Variants in NCOA1 observed in about 807,000 individuals in gnomAD.
The protein encoded by NCOA1 is Hin-2 protein.
A neutral mutation model predicts 150.9 loss-of-function variants in NCOA1; 35 were observed. The ratio of observed to expected loss-of-function variants is 0.23; its 90% CI spans 0.18 to 0.31. The LOEUF is 0.31. Among genes scored for constraint, NCOA1 ranks in the 10% least tolerant of loss-of-function variants. NCOA1 has a pLI of 1.00. For missense variants in NCOA1, 1,491 were observed against 1,749.3 expected (o/e 0.85, Z 2.63); for synonymous variants, 590 against 630.0 (o/e 0.94, Z 0.95).
intron 1 of NCOA1, among the ~76,000 whole-genome samples, chr2:24,532,515 G>T (rs1188571967): frequency 2.0e-5 from 3 of 152,160 alleles, no homozygotes; most frequent in Non-Finnish European, 4.4e-5. Context: ...TTTTAGACAT[G>T]AAGTCCTTGC....
intron 3 of NCOA1, among the ~76,000 whole-genome samples, chr2:24,625,843 G>GT (rs1360938370): frequency 4.6e-5 from 7 of 151,254 alleles, no homozygotes; most frequent in Non-Finnish European, 7.4e-5. Context: ...ACTGTTACTG[G>GT]TTTTTAATTT....
intron 1 of NCOA1, among the ~76,000 whole-genome samples, chr2:24,523,899 C>G (rs1452800141): frequency 1.8e-5 from 2 of 113,996 alleles, no homozygotes; most frequent in Non-Finnish European, 3.3e-5. Flanking sequence ...GCACTCCAGC[C>G]TGGCAACAGA....
At chr2:24,641,959 C>T (rs937955116) in intron 3 of NCOA1, among the ~76,000 whole-genome samples, 3 of 151,440 alleles carry the variant, frequency 2.0e-5, no homozygotes, top group Admixed American at 1.3e-4. Flanking sequence ...CAGTGTCTTT[C>T]GCCTCTCATC....
intron 1 of NCOA1, among the ~76,000 whole-genome samples, chr2:24,552,557 G>A (rs1428512191): frequency 6.6e-6 from 1 of 150,958 alleles, no homozygotes; most frequent in Non-Finnish European, 1.5e-5. Flanking sequence ...AGTAGAGACG[G>A]GGTTTCACTA....
chr2:24,652,013 A>G (rs955952429), intron 4 of NCOA1, among the ~76,000 whole-genome samples: 2 of 152,102 alleles, frequency 1.3e-5, no homozygotes, highest in African/African-American at 2.4e-5. Flanking sequence ...TGTATAACCT[A>G]ACAGTTCCAC....
chr2:24,507,901 T>G (rs1405530352), intron 1 of NCOA1, among the ~76,000 whole-genome samples: 1 of 152,218 alleles, frequency 6.6e-6, no homozygotes, highest in Non-Finnish European at 1.5e-5. Flanking sequence ...TTCTTTCTTT[T>G]TAATTCTAAT....
At chr2:24,583,835 T>TA (rs1181226846) in intron 2 of NCOA1, among the ~76,000 whole-genome samples, 1 of 152,076 alleles carries the variant, frequency 6.6e-6, no homozygotes, top group Non-Finnish European at 1.5e-5. Context: ...TTGTGGGAGC[T>TA]AAAAAAATTT....
chr2:24,566,829 G>A (rs1048296250), intron 2 of NCOA1, among the ~76,000 whole-genome samples: 25 of 152,230 alleles, frequency 1.6e-4, no homozygotes, highest in Admixed American at 5.2e-4. Flanking sequence ...ACTTTGCTCC[G>A]AGATTGGAGC....
chr2:24,725,974 A>T (rs920662065), intron 14 of NCOA1, among the ~76,000 whole-genome samples: 2 of 152,144 alleles, frequency 1.3e-5, no homozygotes, highest in Non-Finnish European at 2.9e-5. Context: ...AGCTTTCCAA[A>T]AAAGCGTTAC....
Position 24,768,946 on chromosome 2 carries a change from T to A in NCOA1, c.*555T>A, listed in dbSNP as rs1665203940. 1 of 215,786 alleles carries A rather than the reference T, an allele frequency of 4.6e-6. No homozygotes were observed. Among genetic ancestry groups the A allele is most frequent in the African/African-American group, 2.3e-5 (1 of 44,292 alleles). The allele number at this position is 215,786 out of a possible 1,614,324, so 13.4% of individuals were successfully genotyped here. A position where few individuals can be genotyped will look rare whatever the true frequency, so the allele number is the denominator to read the frequency against. On this transcript the variant is annotated 3_prime_UTR_variant, in exon 23 of 23. Transcript: ENST00000348332. ...ATCTGTTGGCTTCAAGAGAATATTT[T>A]GCCTCCACATATGTACCCCTTCTCC... is the stretch of plus-strand genomic sequence containing the variant.
chr2:24,728,972 A>AAC lies in NCOA1; in HGVS notation c.2886+510_2886+511dup, dbSNP rs150350657. On this transcript the variant is annotated intron_variant, in intron 16 of 22. Transcript: ENST00000348332. ...GTGAAACTCCTTTCAGCTGCATACA[A>AAC]ACACACACACACACAAGCACACGCG... Among the ~76,000 whole-genome samples, 376 of 152,076 alleles carry AAC rather than the reference A, an allele frequency of 2.5e-3. 3 individuals carry two copies. Among genetic ancestry groups the AAC allele is most frequent in the African/African-American group, 8.5e-3 (354 of 41,532 alleles).
intron 3 of NCOA1, among the ~76,000 whole-genome samples, chr2:24,587,523 C>G (rs1406975442): frequency 6.6e-6 from 1 of 152,118 alleles, no homozygotes; most frequent in Non-Finnish European, 1.5e-5. Context: ...TTGATTTTCC[C>G]AAAATTCTTC....
Position 24,741,910 on chromosome 2 carries a change from C to G in NCOA1, c.3430C>G (p.Leu1144Val). ...GAGGCAGCAAAGCTTTGGGAACAAC[C>G]TCCCTCCCTCATCTGGACTACCAGT... ...LMRQQSFGNN[L>V]PPSSGLPVQM... The change falls in exon 19 of 23, where the codon CTC becomes GTC. Residue 1144 changes from leucine to valine, a missense_variant. Physicochemically the swap from Leu to Val is conservative, Grantham distance 32. This residue lies in a region of NCOA1 where 485 missense variants were observed against 522.8 expected (regional missense o/e 0.93). Transcript: ENST00000348332. The G allele has an allele frequency of 6.2e-7, 1 of 1,614,226 alleles. No homozygotes were observed. Among genetic ancestry groups the G allele is most frequent in the East Asian group, 2.2e-5 (1 of 44,888 alleles).
chr2:24,581,417 A>G (rs1047528915), intron 2 of NCOA1, among the ~76,000 whole-genome samples: 3 of 152,210 alleles, frequency 2.0e-5, no homozygotes, highest in Admixed American at 6.5e-5. Flanking sequence ...TAGGCTCCCT[A>G]CTTCACCTTT....
At chr2:24,735,404 A>C (rs1374531979) in intron 17 of NCOA1, among the ~76,000 whole-genome samples, 1 of 152,224 alleles carries the variant, frequency 6.6e-6, no homozygotes, top group African/African-American at 2.4e-5. Flanking sequence ...TAAGCATCTC[A>C]TAGCAAGAAT....
At chr2:24,617,020 A>T (rs1572496342) in intron 3 of NCOA1, among the ~76,000 whole-genome samples, 1 of 152,172 alleles carries the variant, frequency 6.6e-6, no homozygotes, top group South Asian at 2.1e-4. Context: ...TTGGATGGAG[A>T]GATACAGTTT....
In NCOA1 at chr2:24,500,049, A is replaced by C. The variant is rs113178153; in HGVS notation, c.-396+8447A>C. 4.0e-3 allele frequency among the ~76,000 whole-genome samples: 613 copies of C among 152,340 alleles called. 4 individuals carry two copies. The highest frequency in any genetic ancestry group is 0.014 in the African/African-American group (595 of 41,584). ...AGTATCCCTGCTGGGTAGGCTGATAAAGAGCCTTAACTCTTGGGACCCCAG... is the reference window on the plus strand; with the variant it reads ...AGTATCCCTGCTGGGTAGGCTGATACAGAGCCTTAACTCTTGGGACCCCAG... On this transcript the variant is annotated intron_variant, in intron 1 of 22. Transcript: ENST00000348332.
At chr2:24,534,356 T>C (rs1477401196) in intron 1 of NCOA1, among the ~76,000 whole-genome samples, 1 of 151,926 alleles carries the variant, frequency 6.6e-6, no homozygotes, top group African/African-American at 2.4e-5. Context: ...TTAGTCTTGC[T>C]AGAGGACTAT....
chr2:24,642,335 A>T (rs4286239), intron 3 of NCOA1, among the ~76,000 whole-genome samples: 80,076 of 144,718 alleles, frequency 0.55, 23,630 homozygotes, highest in Admixed American at 0.72. Context: ...ATATATATAT[A>T]TTTTTTAAAA....
Sources: gnomAD v4.1 joint callset for allele counts (sites outside exome capture counted in the v4.1 genomes callset) on GRCh38, gnomAD v4.1.1 for gene constraint, gnomAD v4.1.1 regional missense constraint, MANE v1.5 for transcripts, NCBI Gene and HGNC (gene_info 2026-07-23, HGNC 2026-07-21) for gene names.